Variants in VPS13A observed in about 807,000 individuals in gnomAD.
VPS13A encodes vacuolar protein sorting 13 homolog A, also known as intermembrane lipid transfer protein VPS13A.
Under a neutral mutation model 390.9 loss-of-function variants are expected in VPS13A, and 264 were observed. The ratio of observed to expected loss-of-function variants is 0.68; its 90% CI spans 0.61 to 0.75. VPS13A has a LOEUF of 0.75. VPS13A is among the 30% of genes least tolerant of loss of function. The pLI, the probability that VPS13A is intolerant of heterozygous loss-of-function variation, is 0.00. For missense variants in VPS13A, 3,409 were observed against 3,733.9 expected (o/e 0.91, Z 2.27); for synonymous variants, 1,231 against 1,227.1 (o/e 1.00, Z -0.07).
Position 77,302,940 on chromosome 9 carries a change from CA to C in VPS13A, c.3839del (p.Gln1280ArgfsTer10), listed in dbSNP as rs772436739. The part of the protein sequence containing the change: ...YRSRFINDAY[Q>X]EVLDLLLPLN... The stretch of plus-strand genomic sequence containing the variant: ...ATCTCGATTTATTAATGATGCATAC[CA>C]GGAAGTACTGGATCTACTCCTGCCA... On this transcript the variant is annotated frameshift_variant, in exon 34 of 72. Coordinates refer to ENST00000360280, the MANE Select transcript of VPS13A (RefSeq NM_033305.3). LOFTEE classifies it high-confidence loss of function. 6.2e-7 allele frequency: 1 copy of C among 1,613,456 alleles called. No individual in the cohort carries two copies. Among genetic ancestry groups the C allele is most frequent in the Non-Finnish European group, 8.5e-7 (1 of 1,179,682 alleles).
intron 68 of VPS13A, among the ~76,000 whole-genome samples, chr9:77,396,402 G>A (rs1451825936): frequency 6.6e-6 from 1 of 152,140 alleles, no homozygotes; most frequent in East Asian, 1.9e-4. Context: ...AGTTATGAGG[G>A]ATAAAATAAG....
chr9:77,372,226 C>T (rs1832814265), intron 67 of VPS13A, among the ~76,000 whole-genome samples: 1 of 151,738 alleles, frequency 6.6e-6, no homozygotes, highest in Non-Finnish European at 1.5e-5. Context: ...GGAATCGCCA[C>T]ACTGACTTCC....
chr9:77,350,663 T>C (rs1335285494), intron 52 of VPS13A, among the ~76,000 whole-genome samples: 1 of 152,172 alleles, frequency 6.6e-6, no homozygotes, highest in Non-Finnish European at 1.5e-5. Context: ...CGAGTGACTA[T>C]GATTTTCCTA....
At chr9:77,340,794 C>G in intron 50 of VPS13A, 2 of 454,640 alleles carry the variant, frequency 4.4e-6, no homozygotes, top group Non-Finnish European at 8.0e-6. Flanking sequence ...TTACTAACCA[C>G]TTTGGTTAAA....
intron 1 of VPS13A, among the ~76,000 whole-genome samples, chr9:77,190,852 G>C (rs1015953310): frequency 4.6e-5 from 7 of 152,098 alleles, no homozygotes; most frequent in Admixed American, 6.5e-5. Flanking sequence ...TTTCTAGTTA[G>C]TGTGCATAGA....
In VPS13A at chr9:77,340,420, AC is replaced by A. The variant is rs1830751356; in HGVS notation, c.6898del (p.Leu2300Ter). On this transcript the variant is annotated frameshift_variant, in exon 50 of 72. Coordinates refer to ENST00000360280, the MANE Select transcript of VPS13A (RefSeq NM_033305.3). LOFTEE classifies it high-confidence loss of function. ...KMDYQVGVTI[D>X]LSSFNITRIV... ...TTTTCTTAGGTTGGTGTCACTATAG[AC>A]CTGAGCAGTTTTAACATTACTAGAA... 6.2e-7 allele frequency: 1 copy of A among 1,613,390 alleles called. No individual in the cohort carries two copies. The highest frequency in any genetic ancestry group is 8.5e-7 in the Non-Finnish European group (1 of 1,179,668).
At position 77,221,325 on chromosome 9, in the gene VPS13A, A is replaced by C. The variant is rs747663867; in HGVS notation, c.1130A>C (p.Lys377Thr). 1 of 1,613,078 alleles carries C rather than the reference A, an allele frequency of 6.2e-7. No homozygotes were observed. The highest frequency in any genetic ancestry group is 1.7e-5 in the Admixed American group (1 of 59,944). ...TATAAAAAAAAGTTAACAAGTAAGA[A>C]GCCACCTGGTGAACTTCTCGTGTCT... ...ELYKKKLTSK[K>T]PPGELLVSLE... The change falls in exon 13 of 72, where the codon AAG (lysine) becomes ACG (threonine). Residue 377 changes from lysine (K) to threonine (T), a missense_variant. Transcript: ENST00000360280.
chr9:77,289,743 T>G (rs958952601), intron 31 of VPS13A, among the ~76,000 whole-genome samples: 1 of 152,158 alleles, frequency 6.6e-6, no homozygotes, highest in Non-Finnish European at 1.5e-5. Flanking sequence ...ATGTAGTTTC[T>G]GTCTATTGTT....
At chr9:77,289,746 CTATT>C (rs1397308567) in intron 31 of VPS13A, among the ~76,000 whole-genome samples, 1 of 150,258 alleles carries the variant, frequency 6.7e-6, no homozygotes, top group African/African-American at 2.4e-5. Flanking sequence ...TAGTTTCTGT[CTATT>C]GTTTGTATTT....
Position 77,238,180 on chromosome 9 carries a change from A to T in VPS13A, c.1774A>T (p.Ile592Leu), listed in dbSNP as rs1824264486. Residue 592 changes from isoleucine to leucine, a missense_variant, in exon 18 of 72, where the codon ATA becomes TTA. By Grantham distance (5) the Ile-to-Leu change is conservative. Around this residue, in one of 5 missense-constraint regions of VPS13A, gnomAD observed 2,717 missense variants for 2,917.4 expected, o/e 0.93. Transcript: ENST00000360280. ...CIIEAEPLEI[I>L]YDARTVNSIV... ...CATAGAAGCTGAACCTTTAGAAATC[A>T]TATATGATGCAGTAAGCATTTTTTT... is the stretch of plus-strand genomic sequence containing the variant. 1 of 1,613,316 alleles carries T rather than the reference A, an allele frequency of 6.2e-7. No homozygotes were observed.
intron 34 of VPS13A, among the ~76,000 whole-genome samples, chr9:77,306,277 C>T (rs530604375): frequency 7.9e-5 from 12 of 152,090 alleles, no homozygotes; most frequent in Non-Finnish European, 1.3e-4. Context: ...CAAATTATCT[C>T]CTTGGGGTCA....
rs1292678030 is a variant in VPS13A, at chr9:77,210,204, T to TCTCTTCTC, written c.496-403_496-396dup. On this transcript the variant is annotated intron_variant, in intron 6 of 71. Transcript: ENST00000360280. ...CTCTCTTTCTCTTTCTCTCTTTCTTTCTCTTCTCCTCTTCTCTCCCCTCCC... is the reference window on the plus strand; with the variant it reads ...CTCTCTTTCTCTTTCTCTCTTTCTTTCTCTTCTCCTCTTCTCCTCTTCTCTCCCCTCCC... Among the ~76,000 whole-genome samples, 509 of 135,884 alleles carry TCTCTTCTC rather than the reference T, an allele frequency of 3.7e-3. 3 individuals are homozygous for TCTCTTCTC. Among genetic ancestry groups the TCTCTTCTC allele is most frequent in the Middle Eastern group, 0.015 (4 of 274 alleles). 89.1% of individuals were successfully genotyped at this position (135,884 alleles called of 152,430 possible).
At chr9:77,300,729 C>CA (rs1174189224) in intron 33 of VPS13A, among the ~76,000 whole-genome samples, 1 of 151,942 alleles carries the variant, frequency 6.6e-6, no homozygotes, top group African/African-American at 2.4e-5. Flanking sequence ...GAGACTGTCT[C>CA]AAAAAAACAA....
chr9:77,281,059 TTA>T (rs1826995582), intron 27 of VPS13A, among the ~76,000 whole-genome samples: 1 of 152,074 alleles, frequency 6.6e-6, no homozygotes, highest in Non-Finnish European at 1.5e-5. Flanking sequence ...ATGATCTTCT[TTA>T]TGTGTGGAAT....
chr9:77,387,738 T>C (rs981018604), intron 68 of VPS13A, among the ~76,000 whole-genome samples: 30 of 152,214 alleles, frequency 2.0e-4, no homozygotes, highest in African/African-American at 5.8e-4. Context: ...TTTAAAATAA[T>C]CAGTATTTTA....
intron 19 of VPS13A, among the ~76,000 whole-genome samples, chr9:77,240,934 CCTTTT>C (rs1824452236): frequency 6.6e-6 from 1 of 151,926 alleles, no homozygotes; most frequent in South Asian, 2.1e-4. Context: ...CATTATCTAC[CCTTTT>C]CTTTTACATA....
chr9:77,226,276 A>C lies in VPS13A; in HGVS notation c.1225-190A>C, dbSNP rs76264684. On this transcript the variant is annotated intron_variant, in intron 14 of 71. Coordinates refer to ENST00000360280, the MANE Select transcript of VPS13A (RefSeq NM_033305.3). ...TCATCATTTCTTATAAGATGGTGGA[A>C]AAACTATGTGGTACTCCTAAATTCT... is the stretch of plus-strand genomic sequence containing the variant. Among the ~76,000 whole-genome samples, 5,237 of 152,226 alleles carry C rather than the reference A, an allele frequency of 0.034. 310 individuals are homozygous for C. Among genetic ancestry groups the C allele is most frequent in the African/African-American group, 0.12 (4,989 of 41,526 alleles).
At chr9:77,202,549 TC>T (rs1825392319) in intron 3 of VPS13A, among the ~76,000 whole-genome samples, 1 of 152,166 alleles carries the variant, frequency 6.6e-6, no homozygotes, top group Admixed American at 6.5e-5. Flanking sequence ...ATTTTATTTT[TC>T]CATTGGTACA....
chr9:77,209,449 A>G lies in VPS13A; in HGVS notation c.412A>G (p.Thr138Ala), dbSNP rs1344363369. 1 of 1,612,600 alleles carries G rather than the reference A, an allele frequency of 6.2e-7. No homozygotes were observed. The highest frequency in any genetic ancestry group is 1.3e-5 in the African/African-American group (1 of 74,900). The change falls in exon 6 of 72, where the codon ACT (threonine) becomes GCT (alanine). Residue 138 changes from threonine (T) to alanine (A), a missense_variant. Around this residue, in one of 5 missense-constraint regions of VPS13A, gnomAD observed 2,717 missense variants for 2,917.4 expected, o/e 0.93. Coordinates refer to ENST00000360280, the MANE Select transcript of VPS13A (RefSeq NM_033305.3). ...ACAACATCTGCCGGAAAAACAGGACACTTTTGCAGAAAAATTAGTTACACA... is the reference window on the plus strand; with the variant it reads ...ACAACATCTGCCGGAAAAACAGGACGCTTTTGCAGAAAAATTAGTTACACA... ...QEQHLPEKQD[T>A]FAEKLVTQII... is the part of the protein sequence containing the mutation.
Sources: allele counts gnomAD v4.1 joint callset (sites outside exome capture counted in the v4.1 genomes callset), GRCh38; gene constraint gnomAD v4.1.1; regional missense constraint gnomAD v4.1.1; transcripts MANE v1.5; gene names NCBI Gene and HGNC (gene_info 2026-07-23, HGNC 2026-07-21).